ARID1B: variants seen among roughly 807,000 people sequenced by gnomAD.
ARID1B encodes AT-rich interaction domain 1B, also known as AT-rich interactive domain-containing protein 1B.
In ARID1B, 30 loss-of-function variants were observed where a neutral mutation model predicts 212.3. That is an observed-to-expected ratio of 0.14 (90% CI 0.11 to 0.19). The LOEUF (loss-of-function observed/expected upper bound fraction) is 0.19. Among genes scored for constraint, ARID1B ranks in the 10% least tolerant of loss-of-function variants. The pLI, the probability that ARID1B is intolerant of heterozygous loss-of-function variation, is 1.00. For missense variants in ARID1B, 2,891 were observed against 3,204.0 expected, an observed-to-expected ratio of 0.90 and a Z score of 2.36; for synonymous variants, 1,402 against 1,301.7, an observed-to-expected ratio of 1.08 and a Z score of -1.66.
At position 157,139,701 on chromosome 6, in the gene ARID1B, T is replaced by G. The variant is rs563652053; in HGVS notation, c.2761+6494T>G. Among the ~76,000 whole-genome samples the G allele has an allele frequency of 1.1e-4, 16 of 151,436 alleles. 1 individual carries two copies. The South Asian group carries it at 1.9e-3, about 18-fold the overall frequency. ...ATATATATATATATTAAACTATATATAGAGAGAGCTATATATATAATTATT... is the reference window on the plus strand; with the variant it reads ...ATATATATATATATTAAACTATATAGAGAGAGAGCTATATATATAATTATT... On this transcript the variant is annotated intron_variant, in intron 7 of 19. Coordinates refer to ENST00000636930, the MANE Select transcript of ARID1B (RefSeq NM_001374828.1).
intron 4 of ARID1B, among the ~76,000 whole-genome samples, chr6:156,987,945 C>A (rs1466879466): frequency 2.6e-5 from 4 of 151,658 alleles, no homozygotes; most frequent in Non-Finnish European, 5.9e-5. Flanking sequence ...AGTAATTAAT[C>A]TATAGCAGAT....
intron 5 of ARID1B, among the ~76,000 whole-genome samples, 180 bp from the exon 6 acceptor site, chr6:157,110,292 G>A (rs180983700): frequency 1.3e-5 from 2 of 151,978 alleles, no homozygotes; most frequent in African/African-American, 4.8e-5. Context: ...GTTTATTCAT[G>A]TTTCCTCTTT....
intron 4 of ARID1B, among the ~76,000 whole-genome samples, chr6:157,005,132 TTTGTTGTTGTTG>T (rs150174504): frequency 1.6e-4 from 24 of 148,934 alleles, no homozygotes; most frequent in South Asian, 8.5e-4. Context: ...CAGGCTGTTT[TTTGTTGTTGTTG>T]TTGTTGTTGT....
chr6:157,148,858 C>G lies in ARID1B; in HGVS notation c.2996C>G (p.Pro999Arg). The G allele has an allele frequency of 6.2e-7, 1 of 1,612,926 alleles. No individual in the cohort carries two copies. Among genetic ancestry groups the G allele is most frequent in the Non-Finnish European group, 8.5e-7 (1 of 1,179,988 alleles). Reference protein sequence around the residue: ...SSPGMSQQGGPGMGPPMPTVN... With the variant: ...SSPGMSQQGGRGMGPPMPTVN... ...CCTGGCATGTCTCAGCAGGGAGGGCCAGGAATGGGGCCGCCAATGCCAACT... is the reference window on the plus strand; with the variant it reads ...CCTGGCATGTCTCAGCAGGGAGGGCGAGGAATGGGGCCGCCAATGCCAACT... The change falls in exon 8 of 20, where the codon CCA (proline) becomes CGA (arginine). Residue 999 changes from proline to arginine, a missense_variant. By Grantham distance (103) the Pro-to-Arg change is moderately radical (BLOSUM62 -2). Around this residue, in one of 7 missense-constraint regions of ARID1B, gnomAD observed 1,643 missense variants for 1,544.0 expected, o/e 1.06. Transcript: ENST00000636930. This position sits in a 1 kb window ranked among gnomAD's most constrained non-coding sequence, Gnocchi z 5.6.
intron 6 of ARID1B, among the ~76,000 whole-genome samples, chr6:157,130,191 A>G (rs981696104): frequency 6.6e-6 from 1 of 152,082 alleles, no homozygotes; most frequent in Admixed American, 6.6e-5. Context: ...AGAATATAGT[A>G]TATTATCAGA....
chr6:157,209,255 G>A lies in ARID1B; in HGVS notation c.*1364G>A, dbSNP rs1794663682. 1 of 230,846 alleles carries A rather than the reference G, an allele frequency of 4.3e-6. No homozygotes were observed. Among genetic ancestry groups the A allele is most frequent in the Admixed American group, 5.7e-5 (1 of 17,680 alleles). 14.3% of individuals were successfully genotyped at this position (230,846 alleles called of 1,614,324 possible). A position where few individuals can be genotyped will look rare whatever the true frequency, so the allele number is the denominator to read the frequency against. On this transcript the variant is annotated 3_prime_UTR_variant, in exon 20 of 20. Coordinates refer to ENST00000636930, the MANE Select transcript of ARID1B (RefSeq NM_001374828.1). ...TAAGAATAAATGTACATTAAATCTTGTTAAGCACTGTGATGGGTGTTCTTG... is the reference window on the plus strand; with the variant it reads ...TAAGAATAAATGTACATTAAATCTTATTAAGCACTGTGATGGGTGTTCTTG...
chr6:156,998,502 C>T (rs947957711), intron 4 of ARID1B, among the ~76,000 whole-genome samples: 1 of 152,134 alleles, frequency 6.6e-6, no homozygotes, highest in Admixed American at 6.5e-5. Context: ...GGATTACAGG[C>T]GTGAGCCACC....
chr6:157,057,225 T>C (rs1339546826), intron 4 of ARID1B, among the ~76,000 whole-genome samples: 1 of 152,096 alleles, frequency 6.6e-6, no homozygotes, highest in Non-Finnish European at 1.5e-5. Context: ...CTCAATCTCC[T>C]GACGTCATGA....
intron 3 of ARID1B, among the ~76,000 whole-genome samples, chr6:156,922,411 G>A (rs1319375988): frequency 6.6e-6 from 1 of 152,080 alleles, no homozygotes; most frequent in Admixed American, 6.6e-5. Flanking sequence ...GACCTTAAGT[G>A]ATCCGCCCGC....
chr6:156,795,115 A>C lies in ARID1B; in HGVS notation c.1791+15644A>C, dbSNP rs12208040. ...GCATAGTTACCCAGGGTGGCCGTGA[A>C]CTAGTCAGCAGCCATTTAGAGGAAA... On this transcript the variant is annotated intron_variant, in intron 1 of 19. Coordinates refer to ENST00000636930, the MANE Select transcript of ARID1B (RefSeq NM_001374828.1). Among the ~76,000 whole-genome samples the C allele has an allele frequency of 3.5e-3, 533 of 151,826 alleles. 6 individuals carry two copies. The highest frequency in any genetic ancestry group is 0.012 in the African/African-American group (513 of 41,320).
At chr6:157,095,024 G>T (rs1261604342) in intron 5 of ARID1B, among the ~76,000 whole-genome samples, 2 of 152,184 alleles carry the variant, frequency 1.3e-5, no homozygotes, top group Admixed American at 1.3e-4. Flanking sequence ...GGTTGGATAA[G>T]ATCTGGACTC....
At chr6:156,859,577 G>A (rs1024833512) in intron 2 of ARID1B, among the ~76,000 whole-genome samples, 8 of 152,106 alleles carry the variant, frequency 5.3e-5, no homozygotes, top group African/African-American at 1.4e-4. Flanking sequence ...GTGCACCTGT[G>A]TAAAGGAAAC....
intron 4 of ARID1B, among the ~76,000 whole-genome samples, chr6:157,013,124 C>A (rs1562549096): frequency 1.3e-5 from 2 of 152,234 alleles, no homozygotes; most frequent in Non-Finnish European, 2.9e-5. Flanking sequence ...GGTGGTCCGC[C>A]CGCCTCGGCC....
intron 1 of ARID1B, among the ~76,000 whole-genome samples, chr6:156,795,415 A>G (rs1780297470): frequency 6.6e-6 from 1 of 152,168 alleles, no homozygotes; most frequent in Admixed American, 6.5e-5. Flanking sequence ...TAAGAAACCA[A>G]CAAAATATAA....
At chr6:156,816,623 C>CA (rs1781982341) in intron 1 of ARID1B, among the ~76,000 whole-genome samples, 1 of 152,210 alleles carries the variant, frequency 6.6e-6, no homozygotes, top group African/African-American at 2.4e-5. Context: ...CTGCTGGACT[C>CA]ACTGGTATTT....
chr6:156,988,603 C>T (rs1162117195), intron 4 of ARID1B, among the ~76,000 whole-genome samples: 1 of 152,190 alleles, frequency 6.6e-6, no homozygotes. Flanking sequence ...GCTTTCTTAC[C>T]TGCCAGCTCT....
At chr6:156,983,712 C>T (rs1777758330) in intron 4 of ARID1B, among the ~76,000 whole-genome samples, 1 of 152,118 alleles carries the variant, frequency 6.6e-6, no homozygotes, top group African/African-American at 2.4e-5. Context: ...TCACAAACCA[C>T]CTCATCCGTG....
intron 7 of ARID1B, among the ~76,000 whole-genome samples, chr6:157,134,294 A>G (rs1788760892): frequency 6.6e-6 from 1 of 152,192 alleles, no homozygotes; most frequent in African/African-American, 2.4e-5. Flanking sequence ...AAAGCGAGTT[A>G]TTATCTTGTG....
intron 4 of ARID1B, chr6:156,935,829 TTG>T: frequency 2.5e-6 from 1 of 402,572 alleles, no homozygotes; most frequent in South Asian, 2.7e-5. Flanking sequence ...CTGGTCGATT[TTG>T]TGTGCAGGTG....
Sources: allele counts gnomAD v4.1 joint callset (sites outside exome capture counted in the v4.1 genomes callset), GRCh38; gene constraint gnomAD v4.1.1; regional missense constraint gnomAD v4.1.1; non-coding constraint Gnocchi (gnomAD v3.1); transcripts MANE v1.5; gene names NCBI Gene and HGNC (gene_info 2026-07-23, HGNC 2026-07-21).